Variants in DDX5 observed in about 807,000 individuals in gnomAD.
DDX5 encodes the protein DEAD-box helicase 5.
A neutral mutation model predicts 68.6 loss-of-function variants in DDX5; 6 were observed. That is an observed-to-expected ratio of 0.09 (90% CI 0.05 to 0.17). DDX5 has a LOEUF of 0.17. Ranked by LOEUF, DDX5 falls within the 10% of genes least tolerant of loss-of-function variation. The pLI, the probability that DDX5 is intolerant of heterozygous loss-of-function variation, is 1.00. For synonymous variants in DDX5, 350 were observed against 247.0 expected (o/e 1.42, Z -3.91); for missense variants, 499 against 756.1 (o/e 0.66, Z 3.99).
At position 64,502,020 on chromosome 17, in the gene DDX5, G is replaced by T; in HGVS notation, c.1206C>A (p.Ser402=). 2.5e-6 allele frequency: 4 copies of T among 1,614,164 alleles called. No individual in the cohort carries two copies. The highest frequency in any genetic ancestry group is 3.4e-6 in the Non-Finnish European group (4 of 1,180,004). The stretch of plus-strand genomic sequence containing the variant: ...CGAGTTTGTACTAACCTAGCCCTCT[G>T]GAGGCCACATCTGTAGCAATCAGAA... ...APILIATDVA[S]RGLDVEDVKF... Residue 402 remains serine, a synonymous_variant, in exon 11 of 13, where the codon TCC becomes TCA. Coordinates refer to ENST00000225792, the MANE Select transcript of DDX5 (RefSeq NM_004396.5).
chr17:64,503,944 G>C (rs782486904), intron 4 of DDX5, 39 bp downstream of exon 4: 13 of 1,613,710 alleles, frequency 8.1e-6, no homozygotes, highest in Non-Finnish European at 1.0e-5. Flanking sequence ...ACATTTTCTT[G>C]CATATATCAG....
At position 64,499,538 on chromosome 17, in the gene DDX5, A is replaced by C. The variant is rs1229004514; in HGVS notation, c.*385T>G. On this transcript the variant is annotated 3_prime_UTR_variant, in exon 13 of 13. Coordinates refer to ENST00000225792, the MANE Select transcript of DDX5 (RefSeq NM_004396.5). ...TTGTTTTCATGGAAAAAAAAAACCA[A>C]ACAAAAACAAAAAAAAAACCAGACC... The C allele has an allele frequency of 4.3e-6, 1 of 230,758 alleles. No individual in the cohort carries two copies. The highest frequency in any genetic ancestry group is 2.2e-5 in the African/African-American group (1 of 44,620). 14.3% of individuals were successfully genotyped at this position (230,758 alleles called of 1,614,324 possible).
At chr17:64,505,161 T>C (rs2144274833) in intron 1 of DDX5, 1 of 304,034 alleles carries the variant, frequency 3.3e-6, no homozygotes, top group Non-Finnish European at 6.1e-6. Context: ...TTGTGGTTAC[T>C]GTAATCTTCC....
chr17:64,499,191 G>A lies in DDX5; in HGVS notation c.*732C>T, dbSNP rs1212834827. Among the ~76,000 whole-genome samples the A allele has an allele frequency of 6.6e-6, 1 of 151,718 alleles. No individual in the cohort carries two copies. Among genetic ancestry groups the A allele is most frequent in the South Asian group, 2.1e-4 (1 of 4,800 alleles). On this transcript the variant is annotated 3_prime_UTR_variant, in exon 13 of 13. Transcript: ENST00000225792. ...ATTCACAGTATAGCCAAGAGCATGA[G>A]TATAAGTCTCTTGAAAAAGCCAGTT...
In DDX5 at chr17:64,504,826, A is replaced by G. The variant is rs782359264; in HGVS notation, c.61T>C (p.Phe21Leu). The change falls in exon 2 of 13, where the codon TTT (phenylalanine) becomes CTT (leucine). Residue 21 changes from phenylalanine (F) to leucine (L), a missense_variant. Physicochemically the swap from Phe to Leu is conservative, Grantham distance 22. Around this residue, in one of 5 missense-constraint regions of DDX5, gnomAD observed 140 missense variants for 135.7 expected, o/e 1.03. Coordinates refer to ENST00000225792, the MANE Select transcript of DDX5 (RefSeq NM_004396.5). ...GRDRGFGAPR[F>L]GGSRAGPLSG... The stretch of plus-strand genomic sequence containing the variant: ...AAGGGCCCTGCCCTACTTCCTCCAA[A>G]TCGAGGTGCACCAAACCTGGAATGA... The G allele has an allele frequency of 1.9e-5, 31 of 1,603,554 alleles. No individual in the cohort carries two copies. The highest frequency in any genetic ancestry group is 1.1e-4 in the Admixed American group (6 of 56,750).
At position 64,502,507 on chromosome 17, in the gene DDX5, A is replaced by G. The variant is rs782170028; in HGVS notation, c.1026T>C (p.Asn342=). 3 of 1,613,636 alleles carry G rather than the reference A, an allele frequency of 1.9e-6. No individual in the cohort carries two copies. The highest frequency in any genetic ancestry group is 1.7e-5 in the Admixed American group (1 of 59,994). ...LMEEIMSEKE[N]KTIVFVETKR... is the part of the protein sequence containing the mutation. ...TGGTTTCCACAAAAACAATGGTTTT[A>G]TTCTCCTTCTCACTCATGATCTCTT... The change falls in exon 9 of 13, where the codon AAT becomes AAC. Residue 342 remains asparagine, a synonymous_variant. Transcript: ENST00000225792.
In DDX5 at chr17:64,502,054, T is replaced by C; in HGVS notation, c.1172A>G (p.Lys391Arg). ...DWVLNEFKHG[K>R]APILIATDVA... ...ATCTGTAGCAATCAGAATAGGAGCT[T>C]TTCCATGTTTGAATTCTACAAAGGA... The change falls in exon 11 of 13, where the codon AAA (lysine) becomes AGA (arginine). Residue 391 changes from lysine (K) to arginine (R), a missense_variant. Lys to Arg is a conservative substitution (Grantham distance 26). Coordinates refer to ENST00000225792, the MANE Select transcript of DDX5 (RefSeq NM_004396.5). 1 of 1,614,170 alleles carries C rather than the reference T, an allele frequency of 6.2e-7. No homozygotes were observed. The highest frequency in any genetic ancestry group is 8.5e-7 in the Non-Finnish European group (1 of 1,180,030).
At chr17:64,505,895 G>T (rs150802016) in intron 1 of DDX5, 181 bp downstream of exon 1, 9 of 1,535,368 alleles carry the variant, frequency 5.9e-6, no homozygotes, top group Middle Eastern at 1.7e-4. Flanking sequence ...ACACTACACC[G>T]TCAAATCTCT....
rs1555670335 is a variant in DDX5 at position 64,498,827 on chromosome 17, A to G, written c.*1096T>C. On this transcript the variant is annotated 3_prime_UTR_variant, in exon 13 of 13. Transcript: ENST00000225792. The stretch of plus-strand genomic sequence containing the variant: ...CTAAAGCTATCCCCTGGATCTTTCT[A>G]GCAATAAACCCATGTTGAACCTACC... 6.6e-6 allele frequency among the ~76,000 whole-genome samples: 1 copy of G among 152,240 alleles called. No individual in the cohort carries two copies. Among genetic ancestry groups the G allele is most frequent in the Admixed American group, 6.5e-5 (1 of 15,290 alleles).
Position 64,504,111 on chromosome 17 carries a change from C to T in DDX5, c.313G>A (p.Val105Ile), listed in dbSNP as rs376128352. Residue 105 changes from valine to isoleucine, a missense_variant, in exon 4 of 13, where the codon GTC becomes ATC. Coordinates refer to ENST00000225792, the MANE Select transcript of DDX5 (RefSeq NM_004396.5). ...TTCTGTCTTGCAATAACATCCATGA[C>T]ATTTGCTATAATTAGTAACAGATAT... ...NFYEANFPAN[V>I]MDVIARQNFT... The T allele has an allele frequency of 1.0e-4, 166 of 1,613,904 alleles. No homozygotes were observed. Among genetic ancestry groups the T allele is most frequent in the Non-Finnish European group, 1.3e-4 (158 of 1,179,972 alleles).
Position 64,498,886 on chromosome 17 carries a change from G to A in DDX5, c.*1037C>T, listed in dbSNP as rs1356956774. ...TTTCATTCACTGTGCTTTTGGTTAC[G>A]TTGCCTCCTGATTAGTCATTAATTT... On this transcript the variant is annotated 3_prime_UTR_variant, in exon 13 of 13. Coordinates refer to ENST00000225792, the MANE Select transcript of DDX5 (RefSeq NM_004396.5). Among the ~76,000 whole-genome samples the A allele has an allele frequency of 4.6e-5, 7 of 152,284 alleles. No homozygotes were observed. The highest frequency in any genetic ancestry group is 2.1e-4 in the South Asian group (1 of 4,826).
At chr17:64,506,664 ACGTGGC>A, upstream of DDX5, 1 of 365,886 alleles carries the variant, frequency 2.7e-6, no homozygotes. Context: ...TGGCGTTGTC[ACGTGGC>A]TGTACCACCC....
chr17:64,504,900 T>A, intron 1 of DDX5, 58 bp from the exon 2 acceptor site: 1 of 1,528,438 alleles, frequency 6.5e-7, no homozygotes, highest in Non-Finnish European at 8.8e-7. Flanking sequence ...GGTTTCTGTA[T>A]AGATTTGTCA....
At chr17:64,501,694 GA>G in intron 11 of DDX5, 1 of 406,846 alleles carries the variant, frequency 2.5e-6, no homozygotes, top group Non-Finnish European at 4.5e-6. Context: ...AGTGAACTGT[GA>G]GGATAACTTC....
At position 64,499,634 on chromosome 17, in the gene DDX5, AT is replaced by A; in HGVS notation, c.*288del. ...TTTCCACTTAATTCAGTCTTCAAAT[AT>A]TTTTTATTGGAAGGCCATGCATTGC... On this transcript the variant is annotated 3_prime_UTR_variant, in exon 13 of 13. Transcript: ENST00000225792. The A allele has an allele frequency of 3.2e-6, 1 of 308,932 alleles. No individual in the cohort carries two copies. The highest frequency in any genetic ancestry group is 5.9e-6 in the Non-Finnish European group (1 of 168,830). The allele number at this position is 308,932 out of a possible 1,614,324, so 19.1% of individuals were successfully genotyped here. A position where few individuals can be genotyped will look rare whatever the true frequency, so the allele number is the denominator to read the frequency against.
intron 11 of DDX5, chr17:64,501,444 T>C (rs2038295471): frequency 6.4e-6 from 1 of 156,292 alleles, no homozygotes; most frequent in Non-Finnish European, 1.4e-5. Context: ...AAGTTGCTCC[T>C]GCTCTAGATC....
chr17:64,500,099 T>C lies in DDX5; in HGVS notation c.1669A>G (p.Ser557Gly), dbSNP rs1555670733. 1.2e-6 allele frequency: 2 copies of C among 1,614,074 alleles called. No homozygotes were observed. Among genetic ancestry groups the C allele is most frequent in the Middle Eastern group, 1.6e-4 (1 of 6,084 alleles). The part of the protein sequence containing the change: ...SNFVSAGIQT[S>G]FRTGNPTGTY... The stretch of plus-strand genomic sequence containing the variant: ...CCTGTTGGATTACCAGTCCTAAAAC[T>C]GGTCTGTATACCAGCAGACACAAAA... Residue 557 changes from serine to glycine, a missense_variant, in exon 13 of 13, where the codon AGT (serine) becomes GGT (glycine). Coordinates refer to ENST00000225792, the MANE Select transcript of DDX5 (RefSeq NM_004396.5).
chr17:64,506,035 C>A, intron 1 of DDX5, 41 bp downstream of exon 1: 1 of 1,300,210 alleles, frequency 7.7e-7, no homozygotes, highest in Admixed American at 2.1e-5. Flanking sequence ...CCCTCCCATC[C>A]CCCCACCCGC....
In DDX5 at chr17:64,503,986, C is replaced by G; in HGVS notation, c.438G>C (p.Leu146Phe). ...GVAQTGSGKTLSYLLPAIVHI... is the reference protein window; with the variant it reads ...GVAQTGSGKTFSYLLPAIVHI... ...TCAAGAGTTCTCCCAAACTTACAGA[C>G]AATGTTTTCCCAGATCCAGTCTGTG... Residue 146 changes from leucine to phenylalanine, a missense_variant, in exon 4 of 13, where the codon TTG (leucine) becomes TTC (phenylalanine). By Grantham distance (22) the Leu-to-Phe change is conservative (BLOSUM62 0). Transcript: ENST00000225792. The G allele has an allele frequency of 6.2e-7, 1 of 1,614,156 alleles. No homozygotes were observed. Among genetic ancestry groups the G allele is most frequent in the South Asian group, 1.1e-5 (1 of 91,078 alleles).
Sources: allele counts gnomAD v4.1 joint callset (sites outside exome capture counted in the v4.1 genomes callset), GRCh38; gene constraint gnomAD v4.1.1; regional missense constraint gnomAD v4.1.1; transcripts MANE v1.5; gene names NCBI Gene and HGNC (gene_info 2026-07-23, HGNC 2026-07-21).